FAM53B: variants seen among roughly 807,000 people sequenced by gnomAD.
The protein encoded by FAM53B is family with sequence similarity 53 member B, also known as protein FAM53B.
FAM53B carries 12 observed loss-of-function variants against 32.7 expected under a neutral mutation model. That is an observed-to-expected ratio of 0.37 (90% CI 0.24 to 0.59). The LOEUF (loss-of-function observed/expected upper bound fraction) is 0.59, where lower values mean the gene tolerates loss of function less well. FAM53B is among the 20% of genes least tolerant of loss of function. The probability of loss-of-function intolerance (pLI) is 0.72; values close to 1 mark genes in which losing one functional copy is unlikely to be tolerated. For synonymous variants in FAM53B, 234 were observed against 228.7 expected (o/e 1.02, Z -0.21); for missense variants, 477 against 577.7 (o/e 0.83, Z 1.79).
intron 1 of FAM53B, among the ~76,000 whole-genome samples, chr10:124,711,685 A>T (rs550291439): frequency 6.6e-5 from 10 of 152,280 alleles, no homozygotes; most frequent in African/African-American, 2.4e-4. Context: ...CGGGAAGGGG[A>T]GGAACGTGTG....
intron 4 of FAM53B, among the ~76,000 whole-genome samples, chr10:124,629,510 G>A (rs981702991): frequency 2.0e-5 from 3 of 152,198 alleles, no homozygotes; most frequent in Non-Finnish European, 4.4e-5. Flanking sequence ...CACAAGTCAC[G>A]AGCAGAGCTG....
At chr10:124,634,365 TA>T (rs768982902) in intron 4 of FAM53B, among the ~76,000 whole-genome samples, 2 of 152,236 alleles carry the variant, frequency 1.3e-5, no homozygotes, top group Non-Finnish European at 2.9e-5. Flanking sequence ...AACCCACTGA[TA>T]CGGTTTGGCT....
intron 3 of FAM53B, among the ~76,000 whole-genome samples, chr10:124,695,634 G>C (rs1187462234): frequency 6.6e-6 from 1 of 152,108 alleles, no homozygotes; most frequent in Non-Finnish European, 1.5e-5. Flanking sequence ...AAGACATTCT[G>C]ATACATTTAC....
chr10:124,687,391 G>C (rs562758800), intron 3 of FAM53B, among the ~76,000 whole-genome samples: 8 of 152,296 alleles, frequency 5.3e-5, no homozygotes, highest in Admixed American at 2.0e-4. Context: ...TTGGTGTAGT[G>C]GAAAGGGCAA....
intron 2 of FAM53B, chr10:124,705,600 G>A (rs994014389): frequency 3.9e-5 from 6 of 152,268 alleles, no homozygotes; most frequent in East Asian, 1.9e-4. Flanking sequence ...TCTAGACCAC[G>A]AGCTTCTCAA....
chr10:124,697,700 T>TG (rs371776098), intron 2 of FAM53B, among the ~76,000 whole-genome samples: 9 of 151,878 alleles, frequency 5.9e-5, no homozygotes, highest in African/African-American at 2.2e-4. Context: ...GGCAGCCTCC[T>TG]GGGGGGGATG....
At chr10:124,645,397 A>C (rs1014918185) in intron 4 of FAM53B, among the ~76,000 whole-genome samples, 3 of 152,216 alleles carry the variant, frequency 2.0e-5, no homozygotes, top group Non-Finnish European at 4.4e-5. Context: ...AGAGATGCAA[A>C]ATCTCAGCCC....
intron 4 of FAM53B, among the ~76,000 whole-genome samples, chr10:124,633,616 G>A (rs1388525166): frequency 6.6e-6 from 1 of 152,094 alleles, no homozygotes; most frequent in Admixed American, 6.5e-5. Context: ...TACCTACAGA[G>A]ACCAATGAAA....
Position 124,654,400 on chromosome 10 carries a change from G to A in FAM53B, c.906+27207C>T, listed in dbSNP as rs190490304. On this transcript the variant is annotated intron_variant, in intron 4 of 4. Transcript: ENST00000337318. ...ATCAGCTCTGGGAAGGGCCACTTCC[G>A]GTCTGTGGCCATGCTGGCAAGGATG... Among the ~76,000 whole-genome samples the A allele has an allele frequency of 9.3e-3, 1,418 of 152,344 alleles. 15 individuals carry two copies. Among genetic ancestry groups the A allele is most frequent in the South Asian group, 0.025 (123 of 4,826 alleles).
intron 4 of FAM53B, among the ~76,000 whole-genome samples, chr10:124,673,488 A>G (rs1018459678): frequency 4.6e-5 from 7 of 152,192 alleles, no homozygotes; most frequent in Admixed American, 1.3e-4. Context: ...TCGACTCAGC[A>G]TAAGTTAACC....
chr10:124,627,053 C>T (rs1949360375), intron 4 of FAM53B, among the ~76,000 whole-genome samples: 1 of 152,230 alleles, frequency 6.6e-6, no homozygotes, highest in South Asian at 2.1e-4. Context: ...GGCCACAAAG[C>T]CAGCGAAACC....
intron 4 of FAM53B, among the ~76,000 whole-genome samples, chr10:124,672,602 G>A (rs116080496): frequency 5.6e-4 from 85 of 152,362 alleles, no homozygotes; most frequent in African/African-American, 2.0e-3. Context: ...CGTGACAAGC[G>A]CTAGAAACCA....
intron 3 of FAM53B, among the ~76,000 whole-genome samples, chr10:124,690,339 A>G (rs1463721939): frequency 1.3e-5 from 2 of 152,244 alleles, no homozygotes; most frequent in Non-Finnish European, 2.9e-5. Flanking sequence ...ACGATGTCAC[A>G]TCTCCCCCAT....
intron 1 of FAM53B, among the ~76,000 whole-genome samples, chr10:124,740,534 C>G (rs1950193911): frequency 6.6e-6 from 1 of 152,146 alleles, no homozygotes; most frequent in African/African-American, 2.4e-5. Context: ...CACATCCAGG[C>G]AGGCAATGAA....
intron 4 of FAM53B, among the ~76,000 whole-genome samples, chr10:124,649,016 G>C (rs181549281): frequency 3.3e-5 from 5 of 152,372 alleles, no homozygotes; most frequent in African/African-American, 1.2e-4. Flanking sequence ...CTGCTGGGCA[G>C]ACTGCCAAAG....
chr10:124,628,819 A>AT (rs1277130137), intron 4 of FAM53B, among the ~76,000 whole-genome samples: 2 of 152,160 alleles, frequency 1.3e-5, no homozygotes, highest in African/African-American at 4.8e-5. Flanking sequence ...CTTGGGCGGG[A>AT]TCAAGTCCCA....
rs1424329910 is a variant in FAM53B at position 124,651,292 on chromosome 10, C to T, written c.907-27688G>A. Among the ~76,000 whole-genome samples the T allele has an allele frequency of 3.3e-5, 5 of 152,218 alleles. No homozygotes were observed. Among genetic ancestry groups the T allele is most frequent in the South Asian group, 2.1e-4 (1 of 4,832 alleles). On this transcript the variant is annotated intron_variant, in intron 4 of 4. Transcript: ENST00000337318. The surrounding 1 kb of genome is among the most constrained non-coding windows in gnomAD (Gnocchi z 5.2). ...CCCCAGGGCCCTAACTCAGTTCCCT[C>T]GTGTTCCATTTCCCTCTGCACCTTC...
At chr10:124,633,590 T>A (rs899534731) in intron 4 of FAM53B, among the ~76,000 whole-genome samples, 1 of 152,236 alleles carries the variant, frequency 6.6e-6, no homozygotes, top group Non-Finnish European at 1.5e-5. Flanking sequence ...AGCATATTAG[T>A]ATGAACGTAC....
At chr10:124,715,565 C>G (rs927670556) in intron 1 of FAM53B, among the ~76,000 whole-genome samples, 6 of 152,238 alleles carry the variant, frequency 3.9e-5, no homozygotes, top group Non-Finnish European at 8.8e-5. Context: ...GGGAGCCCCC[C>G]CTCCACGTGT....
Sources: gnomAD v4.1 joint callset for allele counts (sites outside exome capture counted in the v4.1 genomes callset) on GRCh38, gnomAD v4.1.1 for gene constraint, Gnocchi (gnomAD v3.1) non-coding constraint, MANE v1.5 for transcripts, NCBI Gene and HGNC (gene_info 2026-07-23, HGNC 2026-07-21) for gene names.